Variants in NAV2 observed in about 807,000 individuals in gnomAD.
The protein encoded by NAV2 is neuron navigator 2, also known as helicase, APC down-regulated 1.
In NAV2, 54 loss-of-function variants were observed where a neutral mutation model predicts 223.2. The ratio of observed to expected loss-of-function variants is 0.24; its 90% CI spans 0.19 to 0.30. The LOEUF (loss-of-function observed/expected upper bound fraction) is 0.30. Among genes scored for constraint, NAV2 ranks in the 10% least tolerant of loss-of-function variants. The pLI is 1.00. For missense variants in NAV2, 2,806 were observed against 3,147.5 expected (o/e 0.89, Z 2.60); for synonymous variants, 1,279 against 1,239.3 (o/e 1.03, Z -0.67).
At chr11:19,486,602 A>G (rs2042454000) in intron 1 of NAV2, among the ~76,000 whole-genome samples, 2 of 152,302 alleles carry the variant, frequency 1.3e-5, no homozygotes, top group South Asian at 2.1e-4. Flanking sequence ...GTAAAGAAGT[A>G]CGTGTTTGCT....
At chr11:19,997,937 TC>T (rs1257806147) in intron 11 of NAV2, among the ~76,000 whole-genome samples, 1 of 152,174 alleles carries the variant, frequency 6.6e-6, no homozygotes, top group African/African-American at 2.4e-5. Flanking sequence ...CTCTCATCTA[TC>T]CGGGGTCTCT....
intron 10 of NAV2, among the ~76,000 whole-genome samples, chr11:19,977,368 GGTT>G (rs1403456943): frequency 6.6e-6 from 1 of 152,214 alleles, no homozygotes; most frequent in Non-Finnish European, 1.5e-5. Flanking sequence ...TCTCTCCAAA[GGTT>G]GTTGTTGGTT....
At chr11:19,997,089 C>T (rs913237345) in intron 11 of NAV2, among the ~76,000 whole-genome samples, 1 of 152,070 alleles carries the variant, frequency 6.6e-6, no homozygotes, top group Admixed American at 6.5e-5. Context: ...CTGGACATTG[C>T]TTGTGGGCAA....
intron 1 of NAV2, among the ~76,000 whole-genome samples, chr11:19,555,980 G>A (rs1417772565): frequency 2.0e-5 from 3 of 151,966 alleles, no homozygotes; most frequent in African/African-American, 7.3e-5. Flanking sequence ...TACAGACCCT[G>A]CCCTCCCATT....
intron 26 of NAV2, among the ~76,000 whole-genome samples, chr11:20,089,838 C>A (rs1309873056): frequency 6.6e-6 from 1 of 152,120 alleles, no homozygotes; most frequent in African/African-American, 2.4e-5. Context: ...AACTAAGGAG[C>A]CTAAGCTAGA....
Position 19,923,328 on chromosome 11 carries a change from T to A in NAV2, c.932-9848T>A, listed in dbSNP as rs76958396. Among the ~76,000 whole-genome samples the A allele has an allele frequency of 3.9e-3, 592 of 152,282 alleles. 2 individuals are homozygous for A. The highest frequency in any genetic ancestry group is 0.014 in the African/African-American group (571 of 41,548). On this transcript the variant is annotated intron_variant, in intron 6 of 37. Transcript: ENST00000349880. Reference sequence around the variant, plus strand: ...TTTAAGAATCACACTATCATCCCATTATCCTTTAGGATATTCTCAGTGCAA... The same window carrying A: ...TTTAAGAATCACACTATCATCCCATAATCCTTTAGGATATTCTCAGTGCAA...
intron 4 of NAV2, among the ~76,000 whole-genome samples, chr11:19,878,096 C>T (rs2062967603): frequency 6.6e-6 from 1 of 152,186 alleles, no homozygotes; most frequent in Admixed American, 6.5e-5. Context: ...ACACATCACA[C>T]AGAGTGGTTT....
intron 1 of NAV2, among the ~76,000 whole-genome samples, chr11:19,403,159 G>T (rs1849757660): frequency 6.6e-6 from 1 of 152,172 alleles, no homozygotes; most frequent in Non-Finnish European, 1.5e-5. Context: ...CAGGCAAATA[G>T]GAAGCACCCA....
chr11:20,068,624 G>A (rs867795108), intron 22 of NAV2, among the ~76,000 whole-genome samples: 12 of 152,120 alleles, frequency 7.9e-5, no homozygotes, highest in South Asian at 4.1e-4. Context: ...GTGTAACGAG[G>A]GTGATAGTAT....
At chr11:19,458,454 C>G (rs566290960) in intron 1 of NAV2, among the ~76,000 whole-genome samples, 1 of 152,352 alleles carries the variant, frequency 6.6e-6, no homozygotes, top group East Asian at 1.9e-4. Context: ...ATGCATATGC[C>G]TTGGGAAATT....
chr11:19,825,650 CTACCCGGCTTCATT>C (rs1341818925), intron 1 of NAV2, among the ~76,000 whole-genome samples: 1 of 152,164 alleles, frequency 6.6e-6, no homozygotes. Context: ...TTCTTTAGTG[CTACCCGGCTTCATT>C]TGAGGGCTAA....
chr11:19,807,045 C>T (rs2058605035), intron 1 of NAV2, among the ~76,000 whole-genome samples: 1 of 152,110 alleles, frequency 6.6e-6, no homozygotes. Flanking sequence ...CTCTGATGCA[C>T]AGCTAGAATT....
intron 1 of NAV2, among the ~76,000 whole-genome samples, chr11:19,691,239 T>A (rs1428570014): frequency 1.6e-5 from 2 of 128,442 alleles, no homozygotes; most frequent in African/African-American, 5.0e-5. Context: ...AATGTTCTAG[T>A]AGCCACATTA....
chr11:19,976,538 C>T (rs918017136), intron 10 of NAV2, among the ~76,000 whole-genome samples: 10 of 152,244 alleles, frequency 6.6e-5, no homozygotes, highest in African/African-American at 2.4e-4. Flanking sequence ...CCTCTGTCCC[C>T]ATGGCCTGCT....
At chr11:20,040,282 A>G (rs2056787769) in intron 12 of NAV2, among the ~76,000 whole-genome samples, 2 of 152,192 alleles carry the variant, frequency 1.3e-5, no homozygotes, top group Non-Finnish European at 2.9e-5. Flanking sequence ...ATAATGCAAG[A>G]CAAAGGCAGG....
At chr11:19,563,908 C>A (rs2045181390) in intron 1 of NAV2, among the ~76,000 whole-genome samples, 1 of 152,162 alleles carries the variant, frequency 6.6e-6, no homozygotes, top group Admixed American at 6.5e-5. Context: ...TTGGGCTTGG[C>A]ACCTTGCAAA....
intron 32 of NAV2, 139 bp downstream of exon 32, chr11:20,101,311 A>C: frequency 1.5e-6 from 1 of 665,534 alleles, no homozygotes; most frequent in Non-Finnish European, 2.6e-6. Flanking sequence ...AGAGGTCCAG[A>C]GGGGGCTAGC....
chr11:19,394,952 C>G (rs926320103), intron 1 of NAV2, among the ~76,000 whole-genome samples: 2 of 152,186 alleles, frequency 1.3e-5, no homozygotes, highest in African/African-American at 4.8e-5. Flanking sequence ...CCGTAAAGCC[C>G]AAAATGCAGG....
intron 1 of NAV2, among the ~76,000 whole-genome samples, chr11:19,397,582 T>C (rs1301455292): frequency 6.6e-6 from 1 of 152,176 alleles, no homozygotes; most frequent in Non-Finnish European, 1.5e-5. Flanking sequence ...CATTTTATTA[T>C]TATTTTTGCA....
Sources: allele counts gnomAD v4.1 joint callset (sites outside exome capture counted in the v4.1 genomes callset), GRCh38; gene constraint gnomAD v4.1.1; transcripts MANE v1.5; gene names NCBI Gene and HGNC (gene_info 2026-07-23, HGNC 2026-07-21).